Variants in SNU13 observed in about 807,000 individuals in gnomAD.
The protein encoded by SNU13 is NHP2-like protein 1.
SNU13 carries 2 observed loss-of-function variants against 12.4 expected under a neutral mutation model. The ratio of observed to expected loss-of-function variants is 0.16; its 90% CI spans 0.07 to 0.51. SNU13 has a LOEUF of 0.51. SNU13 is among the 20% of genes least tolerant of loss of function. The probability of loss-of-function intolerance (pLI) is 0.96; values close to 1 mark genes in which losing one functional copy is unlikely to be tolerated. For synonymous variants in SNU13, 68 were observed against 66.5 expected (o/e 1.02, Z -0.11); for missense variants, 66 against 157.8 (o/e 0.42, Z 3.12).
chr22:41,688,939 G>GT, upstream of SNU13: 1 of 1,413,584 alleles, frequency 7.1e-7, no homozygotes, highest in South Asian at 1.5e-5. Flanking sequence ...ACGCGAGCGA[G>GT]TGGGCCCCGC....
chr22:41,682,515 G>A, intron 1 of SNU13: 1 of 1,538,042 alleles, frequency 6.5e-7, no homozygotes, highest in Non-Finnish European at 8.7e-7. Context: ...TCCAGGGCCA[G>A]CCCGTACACC....
chr22:41,678,769 G>C (rs1246188557), intron 2 of SNU13, among the ~76,000 whole-genome samples: 1 of 152,152 alleles, frequency 6.6e-6, no homozygotes, highest in African/African-American at 2.4e-5. Context: ...GCAGTGTGAC[G>C]AGCAGGGAGG....
intron 2 of SNU13, among the ~76,000 whole-genome samples, chr22:41,679,215 C>A (rs1392789081): frequency 6.6e-6 from 1 of 151,426 alleles, no homozygotes; most frequent in African/African-American, 2.4e-5. Context: ...TCGAGACCAG[C>A]CTGGCCAACA....
At position 41,680,304 on chromosome 22, in the gene SNU13, G is replaced by A. The variant is rs2147135899; in HGVS notation, c.64C>T (p.Leu22=). The A allele has an allele frequency of 8.1e-6, 13 of 1,614,092 alleles. No homozygotes were observed. Among genetic ancestry groups the A allele is most frequent in the Non-Finnish European group, 1.1e-5 (13 of 1,179,994 alleles). The change falls in exon 2 of 3, where the codon CTA becomes TTA. Residue 22 remains leucine (L), a synonymous_variant. Coordinates refer to ENST00000401959, the MANE Select transcript of SNU13 (RefSeq NM_001003796.2). ...PLADAHLTKK[L]LDLVQQSCNY... is the part of the protein sequence containing the mutation. Reference sequence around the variant, plus strand: ...CATGACTGCTGAACGAGGTCCAGTAGCTTCTTGGTGAGGTGGGCATCGGCA... The same window carrying A: ...CATGACTGCTGAACGAGGTCCAGTAACTTCTTGGTGAGGTGGGCATCGGCA...
intron 2 of SNU13, among the ~76,000 whole-genome samples, chr22:41,678,663 G>T (rs1429292444): frequency 6.6e-6 from 1 of 152,134 alleles, no homozygotes; most frequent in East Asian, 1.9e-4. Context: ...AAGCTGACCT[G>T]AGTGCATCAA....
At chr22:41,677,133 C>G (rs2068221420) in intron 2 of SNU13, among the ~76,000 whole-genome samples, 1 of 152,130 alleles carries the variant, frequency 6.6e-6, no homozygotes. Context: ...CATGTTTCAC[C>G]TGAGAAACGA....
chr22:41,675,516 G>T (rs1480148617), intron 2 of SNU13, among the ~76,000 whole-genome samples: 1 of 151,820 alleles, frequency 6.6e-6, no homozygotes, highest in Admixed American at 6.6e-5. Flanking sequence ...CCGCTTCCCG[G>T]GTTTAAGTGA....
At chr22:41,677,696 A>G (rs2068225906) in intron 2 of SNU13, among the ~76,000 whole-genome samples, 1 of 151,928 alleles carries the variant, frequency 6.6e-6, no homozygotes, top group Non-Finnish European at 1.5e-5. Flanking sequence ...AAATCCTTCT[A>G]CTCATTTACC....
At position 41,675,050 on chromosome 22, in the gene SNU13, C is replaced by T; in HGVS notation, c.270G>A (p.Gly90=). 6.2e-7 allele frequency: 1 copy of T among 1,614,162 alleles called. No homozygotes were observed. Among genetic ancestry groups the T allele is most frequent in the Non-Finnish European group, 8.5e-7 (1 of 1,180,008 alleles). The change falls in exon 3 of 3, where the codon GGG becomes GGA. Residue 90 remains glycine, a synonymous_variant. Transcript: ENST00000401959. ...CAGGCCTGGAGACCCCACAGGCTCT[C>T]CCCAGGGCCTGCTTGGAGCGCACAA... ...YVFVRSKQAL[G]RACGVSRPVI... is the part of the protein sequence containing the mutation.
At chr22:41,686,986 C>CAA (rs2068316294) in intron 1 of SNU13, among the ~76,000 whole-genome samples, 1 of 150,792 alleles carries the variant, frequency 6.6e-6, no homozygotes, top group African/African-American at 2.4e-5. Context: ...GACGGAGTCT[C>CAA]AAACTGTCAC....
chr22:41,679,927 T>G (rs1341195457), intron 2 of SNU13: 1 of 176,838 alleles, frequency 5.7e-6, no homozygotes, highest in South Asian at 1.7e-4. Context: ...TAAAAAGCAT[T>G]AATATCCCTT....
At chr22:41,688,930 C>G, upstream of SNU13, 1 of 1,431,014 alleles carries the variant, frequency 7.0e-7, no homozygotes, top group Non-Finnish European at 9.2e-7. Flanking sequence ...GGTGACGCTA[C>G]GCGAGCGAGT....
intron 2 of SNU13, among the ~76,000 whole-genome samples, chr22:41,677,656 T>C (rs1341904727): frequency 5.9e-5 from 9 of 152,238 alleles, no homozygotes; most frequent in East Asian, 1.9e-4. Flanking sequence ...TTATAAGTGT[T>C]AAGTAAGATC....
At chr22:41,679,339 C>T (rs1454358418) in intron 2 of SNU13, among the ~76,000 whole-genome samples, 1 of 152,068 alleles carries the variant, frequency 6.6e-6, no homozygotes, top group Non-Finnish European at 1.5e-5. Flanking sequence ...GGTAGATCAC[C>T]TGAGATCAGG....
chr22:41,680,961 C>T (rs2068258595), intron 1 of SNU13, among the ~76,000 whole-genome samples: 1 of 152,124 alleles, frequency 6.6e-6, no homozygotes, highest in African/African-American at 2.4e-5. Context: ...GCGGCCGAGG[C>T]GGGTGGATCA....
At chr22:41,682,435 C>CAG in intron 1 of SNU13, 1 of 1,611,316 alleles carries the variant, frequency 6.2e-7, no homozygotes, top group South Asian at 1.1e-5. Context: ...TGCTGCCCAG[C>CAG]ACCGCAAGGA....
intron 1 of SNU13, among the ~76,000 whole-genome samples, chr22:41,685,952 G>A (rs2068306755): frequency 7.1e-6 from 1 of 140,434 alleles, no homozygotes; most frequent in African/African-American, 2.7e-5. Context: ...CTGGGTGACA[G>A]AGCGAGACTC....
rs1242362259 is a variant in SNU13 at position 41,687,054 on chromosome 22, C to G, written c.3+1740G>C. Among the ~76,000 whole-genome samples the G allele has an allele frequency of 2.7e-5, 4 of 150,930 alleles. No homozygotes were observed. The East Asian group carries it at 7.9e-4, about 30-fold the overall frequency. ...CACTGCAACCCCCGCCTCCCAGGTTCAAGCGATTCTCCTTGCCTCAGCCTC... is the reference window on the plus strand; with the variant it reads ...CACTGCAACCCCCGCCTCCCAGGTTGAAGCGATTCTCCTTGCCTCAGCCTC... On this transcript the variant is annotated intron_variant, in intron 1 of 2. Coordinates refer to ENST00000401959, the MANE Select transcript of SNU13 (RefSeq NM_001003796.2).
In SNU13 at chr22:41,674,608, C is replaced by G. The variant is rs1212994301; in HGVS notation, c.*325G>C. 4 of 300,052 alleles carry G rather than the reference C, an allele frequency of 1.3e-5. No homozygotes were observed. The highest frequency in any genetic ancestry group is 2.5e-5 in the Non-Finnish European group (4 of 157,212). 18.6% of individuals were successfully genotyped at this position (300,052 alleles called of 1,614,324 possible). A position where few individuals can be genotyped will look rare whatever the true frequency, so the allele number is the denominator to read the frequency against. Reference sequence around the variant, plus strand: ...GGAAGCTAGTGGCTGAAAGCTGGAACCAGATCTCTGTCCTGGCTCCATCAG... The same window carrying G: ...GGAAGCTAGTGGCTGAAAGCTGGAAGCAGATCTCTGTCCTGGCTCCATCAG... On this transcript the variant is annotated 3_prime_UTR_variant, in exon 3 of 3. Transcript: ENST00000401959.
Sources: gnomAD v4.1 joint callset for allele counts (sites outside exome capture counted in the v4.1 genomes callset) on GRCh38, gnomAD v4.1.1 for gene constraint, MANE v1.5 for transcripts, NCBI Gene and HGNC (gene_info 2026-07-23, HGNC 2026-07-21) for gene names.